The following LUZP2 variants were observed in gnomAD, a reference collection of about 807,000 sequenced individuals.
The protein encoded by LUZP2 is leucine zipper protein 2.
In LUZP2, 52 loss-of-function variants were observed where a neutral mutation model predicts 51.6. The ratio of observed to expected loss-of-function variants is 1.01; its 90% CI spans 0.81 to 1.27. The LOEUF (loss-of-function observed/expected upper bound fraction) is 1.27. Ranked by LOEUF, LUZP2 falls within the 50% of genes most tolerant of loss-of-function variation. The pLI, the probability that LUZP2 is intolerant of heterozygous loss-of-function variation, is 0.00. For missense variants in LUZP2, 436 were observed against 395.4 expected (o/e 1.10, Z -0.87); for synonymous variants, 154 against 137.3 (o/e 1.12, Z -0.85).
chr11:24,881,038 A>G (rs1852450235), intron 5 of LUZP2, among the ~76,000 whole-genome samples: 1 of 152,096 alleles, frequency 6.6e-6, no homozygotes, highest in Non-Finnish European at 1.5e-5. Context: ...GAGACAGAAG[A>G]TCTGATGTAG....
chr11:24,690,033 A>T (rs993862713), intron 1 of LUZP2, among the ~76,000 whole-genome samples: 1 of 152,110 alleles, frequency 6.6e-6, no homozygotes, highest in Admixed American at 6.6e-5. Context: ...TTTAGCAGGG[A>T]TGCTAAGACA....
intron 1 of LUZP2, among the ~76,000 whole-genome samples, chr11:24,652,233 C>T (rs1855650860): frequency 6.6e-6 from 1 of 152,072 alleles, no homozygotes; most frequent in African/African-American, 2.4e-5. Context: ...AACCAAAGTT[C>T]AAGCTCTTTG....
intron 7 of LUZP2, among the ~76,000 whole-genome samples, chr11:24,974,339 G>C (rs1255857829): frequency 6.6e-6 from 1 of 152,010 alleles, no homozygotes; most frequent in Non-Finnish European, 1.5e-5. Context: ...TTGCACATGA[G>C]ATGGGTCTCT....
intron 5 of LUZP2, among the ~76,000 whole-genome samples, chr11:24,807,099 A>G (rs1398616871): frequency 1.3e-5 from 2 of 150,828 alleles, no homozygotes; most frequent in African/African-American, 4.9e-5. Flanking sequence ...ATAGGTCATT[A>G]CAAAGGAAGG....
intron 5 of LUZP2, among the ~76,000 whole-genome samples, chr11:24,791,992 T>C (rs1317401821): frequency 6.6e-6 from 1 of 151,130 alleles, no homozygotes; most frequent in African/African-American, 2.4e-5. Flanking sequence ...AAATAGCAGC[T>C]TTTTTCTTCC....
intron 5 of LUZP2, among the ~76,000 whole-genome samples, chr11:24,821,188 G>A (rs765836884): frequency 2.0e-5 from 3 of 151,982 alleles, no homozygotes; most frequent in Non-Finnish European, 4.4e-5. Context: ...GTTCGATAAG[G>A]GGCTATATAC....
intron 10 of LUZP2, among the ~76,000 whole-genome samples, chr11:25,063,116 T>A (rs1433742461): frequency 6.6e-6 from 1 of 151,696 alleles, no homozygotes; most frequent in African/African-American, 2.4e-5. Context: ...GGATCAAAAA[T>A]ATTTGGGAAA....
intron 1 of LUZP2, among the ~76,000 whole-genome samples, chr11:24,639,799 T>G (rs1191474306): frequency 6.6e-6 from 1 of 151,844 alleles, no homozygotes. Context: ...ATCTCTTTCC[T>G]CTACTGTAAT....
intron 9 of LUZP2, among the ~76,000 whole-genome samples, chr11:25,001,843 T>G (rs1314118366): frequency 1.3e-5 from 2 of 152,062 alleles, no homozygotes; most frequent in Non-Finnish European, 2.9e-5. Flanking sequence ...CTCTGTTTCT[T>G]CCTCTCTCTC....
At chr11:24,561,731 T>C (rs1282657531) in intron 1 of LUZP2, among the ~76,000 whole-genome samples, 1 of 151,722 alleles carries the variant, frequency 6.6e-6, no homozygotes, top group Non-Finnish European at 1.5e-5. Flanking sequence ...AGATCATGGG[T>C]TGATGGGTGC....
At chr11:24,906,270 T>A (rs1853449235) in intron 6 of LUZP2, among the ~76,000 whole-genome samples, 1 of 151,036 alleles carries the variant, frequency 6.6e-6, no homozygotes, top group Admixed American at 6.6e-5. Context: ...AGGCAGGTAA[T>A]GATCACCTTT....
At chr11:24,688,935 G>C (rs1226680936) in intron 1 of LUZP2, among the ~76,000 whole-genome samples, 1 of 151,998 alleles carries the variant, frequency 6.6e-6, no homozygotes, top group Non-Finnish European at 1.5e-5. Flanking sequence ...CTCCCTCCCT[G>C]TATTGTCTCA....
chr11:24,702,378 A>T (rs1316671291), intron 1 of LUZP2, among the ~76,000 whole-genome samples: 1 of 152,184 alleles, frequency 6.6e-6, no homozygotes, highest in African/African-American at 2.4e-5. Context: ...AGAAGAAATA[A>T]AAAGAAAGGA....
chr11:24,679,374 T>C (rs1006771527), intron 1 of LUZP2, among the ~76,000 whole-genome samples: 4 of 152,118 alleles, frequency 2.6e-5, no homozygotes, highest in African/African-American at 4.8e-5. Flanking sequence ...AACTGAGATA[T>C]GAAAATGTAA....
chr11:24,971,596 G>A (rs7127357), intron 7 of LUZP2, among the ~76,000 whole-genome samples: 1 of 151,732 alleles, frequency 6.6e-6, no homozygotes, highest in Non-Finnish European at 1.5e-5. Context: ...ATATCCGCAT[G>A]TAACAAATCT....
chr11:24,815,298 T>C (rs955501174), intron 5 of LUZP2, among the ~76,000 whole-genome samples: 4 of 152,228 alleles, frequency 2.6e-5, no homozygotes, highest in Admixed American at 1.3e-4. Context: ...AATTCTTATA[T>C]GCAATATTGA....
At chr11:24,588,544 C>A (rs1853149501) in intron 1 of LUZP2, among the ~76,000 whole-genome samples, 1 of 152,082 alleles carries the variant, frequency 6.6e-6, no homozygotes, top group Non-Finnish European at 1.5e-5. Context: ...TTGGATAAAA[C>A]ATTTAAGCCA....
At chr11:24,896,057 T>C (rs1793174098) in intron 5 of LUZP2, among the ~76,000 whole-genome samples, 1 of 152,216 alleles carries the variant, frequency 6.6e-6, no homozygotes, top group Admixed American at 6.5e-5. Context: ...TGAGATCTCA[T>C]TGTGATTTTG....
intron 1 of LUZP2, among the ~76,000 whole-genome samples, chr11:24,638,529 A>C (rs1353816827): frequency 6.6e-6 from 1 of 151,722 alleles, no homozygotes; most frequent in Non-Finnish European, 1.5e-5. Flanking sequence ...AAAAAATAAA[A>C]ATTCAAAGTA....
Sources: gnomAD v4.1 joint callset for allele counts (sites outside exome capture counted in the v4.1 genomes callset) on GRCh38, gnomAD v4.1.1 for gene constraint, MANE v1.5 for transcripts, NCBI Gene and HGNC (gene_info 2026-07-23, HGNC 2026-07-21) for gene names.